The following SRRM4 variants were observed in gnomAD, a reference collection of about 807,000 sequenced individuals.
SRRM4 encodes serine/arginine repetitive matrix 4.
Under a neutral mutation model 68.9 loss-of-function variants are expected in SRRM4, and 33 were observed. The observed-to-expected ratio is 0.48, with a 90% CI of 0.36 to 0.64. SRRM4 has a LOEUF of 0.64. Among genes scored for constraint, SRRM4 ranks in the 30% least tolerant of loss-of-function variants. The pLI is 0.00. For synonymous variants in SRRM4, 318 were observed against 318.8 expected (o/e 1.00, Z 0.03); for missense variants, 817 against 827.1 (o/e 0.99, Z 0.15).
chr12:119,113,401 C>G (rs1954156852), intron 2 of SRRM4, among the ~76,000 whole-genome samples: 1 of 152,190 alleles, frequency 6.6e-6, no homozygotes, highest in Admixed American at 6.5e-5. Context: ...AATTGTCTAG[C>G]CATCAGCAAG....
intron 7 of SRRM4, 55 bp downstream of exon 7, chr12:119,125,534 G>A: frequency 6.6e-7 from 1 of 1,518,004 alleles, no homozygotes; most frequent in Admixed American, 1.7e-5. Context: ...CCCAGGCTAA[G>A]ACACTGTTAA....
At chr12:119,071,102 T>G (rs1289630570) in intron 1 of SRRM4, among the ~76,000 whole-genome samples, 1 of 152,228 alleles carries the variant, frequency 6.6e-6, no homozygotes, top group Admixed American at 6.5e-5. Context: ...CTTACATGTT[T>G]GTCCTCCCAC....
intron 1 of SRRM4, among the ~76,000 whole-genome samples, chr12:119,049,703 T>G (rs532954920): frequency 1.3e-5 from 2 of 152,328 alleles, no homozygotes; most frequent in East Asian, 3.9e-4. Flanking sequence ...TAATTTATTT[T>G]CTCATTGTTT....
chr12:119,110,315 A>G (rs2136045843), intron 2 of SRRM4, among the ~76,000 whole-genome samples: 1 of 152,304 alleles, frequency 6.6e-6, no homozygotes, highest in Admixed American at 6.5e-5. Context: ...TGCAGATCTC[A>G]AACTCTGTGC....
At chr12:119,109,771 C>T (rs559614773) in intron 2 of SRRM4, among the ~76,000 whole-genome samples, 4 of 152,304 alleles carry the variant, frequency 2.6e-5, no homozygotes, top group East Asian at 1.9e-4. Flanking sequence ...AAACATCCTC[C>T]TTTAGCGCAG....
At chr12:119,076,736 C>T (rs893859697) in intron 1 of SRRM4, among the ~76,000 whole-genome samples, 5 of 152,148 alleles carry the variant, frequency 3.3e-5, no homozygotes, top group African/African-American at 7.2e-5. Context: ...TCAGAGGAAC[C>T]GCTCTCAGGG....
chr12:119,069,374 T>C (rs1312677295), intron 1 of SRRM4, among the ~76,000 whole-genome samples: 3 of 152,204 alleles, frequency 2.0e-5, no homozygotes, highest in African/African-American at 7.2e-5. Flanking sequence ...CCTTCCGTGA[T>C]TCTGAAGTAG....
In SRRM4 at chr12:119,156,605, G is replaced by T. The variant is rs771142965; in HGVS notation, c.1643G>T (p.Ser548Ile). ...AGCAGTAGCCGCTCGGCCAGCCGCA[G>T]CTACTCCCGGAGCCGGAGTCGGAGC... ...SSSSSRSASR[S>I]YSRSRSRSRS... The change falls in exon 13 of 13, where the codon AGC becomes ATC. Residue 548 changes from serine (S) to isoleucine (I), a missense_variant. Physicochemically the swap from Ser to Ile is moderately radical, Grantham distance 142 (BLOSUM62 -2). Transcript: ENST00000267260. The T allele has an allele frequency of 1.1e-5, 17 of 1,610,712 alleles. No individual in the cohort carries two copies. The highest frequency in any genetic ancestry group is 1.3e-5 in the Non-Finnish European group (15 of 1,179,522).
At chr12:119,118,181 G>T (rs530060816) in intron 4 of SRRM4, among the ~76,000 whole-genome samples, 18 of 152,318 alleles carry the variant, frequency 1.2e-4, no homozygotes, top group African/African-American at 4.3e-4. Flanking sequence ...CACTTACAAA[G>T]CCTGCTTGGC....
In SRRM4 at chr12:119,043,807, C is replaced by CACACACACAA. The variant is rs1491405363; in HGVS notation, c.132-58428_132-58427insCACACACAAA. Reference sequence around the variant, plus strand: ...ACACACACACACACACACACACACACAAGTCTTGGGCATCTCCTGATGCCC... The same window carrying CACACACACAA: ...ACACACACACACACACACACACACACACACACACAAAAGTCTTGGGCATCTCCTGATGCCC... On this transcript the variant is annotated intron_variant, in intron 1 of 12. Coordinates refer to ENST00000267260, the MANE Select transcript of SRRM4 (RefSeq NM_194286.4). 2.6e-5 allele frequency among the ~76,000 whole-genome samples: 4 copies of CACACACACAA among 151,544 alleles called. 1 individual carries two copies. In the South Asian group the frequency reaches 8.4e-4, roughly 32 times the overall value.
intron 10 of SRRM4, 77 bp from the exon 11 acceptor site, chr12:119,153,461 TG>T (rs1323833553): frequency 1.0e-6 from 1 of 956,964 alleles, no homozygotes; most frequent in Non-Finnish European, 1.6e-6. Context: ...AGGGACCCGC[TG>T]AATAAAGCTC....
intron 8 of SRRM4, among the ~76,000 whole-genome samples, chr12:119,141,201 C>G (rs1464935860): frequency 6.6e-6 from 1 of 152,156 alleles, no homozygotes; most frequent in African/African-American, 2.4e-5. Flanking sequence ...CTTCGGCCTC[C>G]CAGAGTGTTG....
At chr12:119,088,935 C>T (rs1367928228) in intron 1 of SRRM4, among the ~76,000 whole-genome samples, 5 of 152,230 alleles carry the variant, frequency 3.3e-5, no homozygotes, top group Non-Finnish European at 5.9e-5. Flanking sequence ...TTGCGTGCAT[C>T]ATCTCCAGGA....
chr12:119,021,081 G>C (rs1953513399), intron 1 of SRRM4, among the ~76,000 whole-genome samples: 1 of 152,116 alleles, frequency 6.6e-6, no homozygotes, highest in Non-Finnish European at 1.5e-5. Context: ...AACACATCTA[G>C]ACGTCAGGTA....
intron 1 of SRRM4, among the ~76,000 whole-genome samples, chr12:119,041,676 AG>A (rs1489481096): frequency 6.6e-6 from 1 of 152,184 alleles, no homozygotes; most frequent in Non-Finnish European, 1.5e-5. Flanking sequence ...TTGTATTTTT[AG>A]AGAGAACTGC....
intron 1 of SRRM4, among the ~76,000 whole-genome samples, chr12:118,993,031 G>T (rs111540301): frequency 1.6e-4 from 24 of 152,064 alleles, no homozygotes; most frequent in Admixed American, 1.4e-3. Flanking sequence ...CATTACTATC[G>T]TCACTGTTAA....
chr12:119,038,692 T>A (rs1953645652), intron 1 of SRRM4, among the ~76,000 whole-genome samples: 1 of 152,230 alleles, frequency 6.6e-6, no homozygotes. Context: ...TCTGGATTCA[T>A]GCTCCACGTT....
chr12:119,084,633 G>A (rs1193041618), intron 1 of SRRM4, among the ~76,000 whole-genome samples: 2 of 152,058 alleles, frequency 1.3e-5, no homozygotes, highest in Non-Finnish European at 2.9e-5. Context: ...TACTGAAGAC[G>A]GATGGAGGGC....
At chr12:119,061,919 C>T (rs2136021899) in intron 1 of SRRM4, among the ~76,000 whole-genome samples, 1 of 152,216 alleles carries the variant, frequency 6.6e-6, no homozygotes, top group Non-Finnish European at 1.5e-5. Flanking sequence ...AAATATCCCA[C>T]CTCCATTGAA....
Sources: allele counts gnomAD v4.1 joint callset (sites outside exome capture counted in the v4.1 genomes callset), GRCh38; gene constraint gnomAD v4.1.1; transcripts MANE v1.5; gene names NCBI Gene and HGNC (gene_info 2026-07-23, HGNC 2026-07-21).